Variants in ASIC2 observed in about 807,000 individuals in gnomAD.
ASIC2 encodes acid sensing ion channel subunit 2.
A neutral mutation model predicts 57.3 loss-of-function variants in ASIC2; 25 were observed. The observed-to-expected ratio is 0.44, with a 90% CI of 0.32 to 0.61. The LOEUF is 0.61. ASIC2 is among the 20% of genes least tolerant of loss of function. The pLI is 0.06. For synonymous variants in ASIC2, 319 were observed against 307.5 expected, an observed-to-expected ratio of 1.04 and a Z score of -0.39; for missense variants, 641 against 738.1, an observed-to-expected ratio of 0.87 and a Z score of 1.52.
At chr17:33,563,405 T>G (rs1422458280) in intron 1 of ASIC2, among the ~76,000 whole-genome samples, 1 of 152,172 alleles carries the variant, frequency 6.6e-6, no homozygotes, top group Non-Finnish European at 1.5e-5. Flanking sequence ...AATCCACGCT[T>G]CCTCATTCCC....
chr17:34,072,794 C>T (rs1360373238), intron 1 of ASIC2, among the ~76,000 whole-genome samples: 1 of 152,184 alleles, frequency 6.6e-6, no homozygotes, highest in African/African-American at 2.4e-5. Context: ...TGTTACATAG[C>T]AATACATCAT....
chr17:33,179,947 C>T (rs940579265), intron 1 of ASIC2, among the ~76,000 whole-genome samples: 6 of 152,160 alleles, frequency 3.9e-5, no homozygotes, highest in Non-Finnish European at 7.4e-5. Context: ...TTACAGATTC[C>T]GTCAGATACA....
intron 1 of ASIC2, among the ~76,000 whole-genome samples, chr17:33,957,142 T>C (rs952910951): frequency 1.2e-4 from 19 of 152,212 alleles, no homozygotes; most frequent in African/African-American, 4.6e-4. Flanking sequence ...ACTTCTACCA[T>C]GCCCCCACTC....
intron 1 of ASIC2, among the ~76,000 whole-genome samples, chr17:33,949,427 G>C (rs1453864554): frequency 6.6e-6 from 1 of 152,144 alleles, no homozygotes; most frequent in Non-Finnish European, 1.5e-5. Context: ...GGACACAGAA[G>C]ATACTCAATA....
intron 1 of ASIC2, among the ~76,000 whole-genome samples, chr17:33,784,365 C>A (rs1911545173): frequency 6.6e-6 from 1 of 152,116 alleles, no homozygotes; most frequent in Non-Finnish European, 1.5e-5. Flanking sequence ...TAGGAATTTG[C>A]ATTTTGAACA....
At chr17:33,556,117 A>C (rs1915899387) in intron 1 of ASIC2, among the ~76,000 whole-genome samples, 1 of 152,248 alleles carries the variant, frequency 6.6e-6, no homozygotes, top group African/African-American at 2.4e-5. Context: ...CATGAGGTAG[A>C]CAAGTGTAAT....
intron 1 of ASIC2, among the ~76,000 whole-genome samples, chr17:33,571,406 T>C (rs1309260677): frequency 6.6e-6 from 1 of 152,224 alleles, no homozygotes; most frequent in Non-Finnish European, 1.5e-5. Context: ...TTTTGTTCAC[T>C]GATTAATCAC....
At chr17:33,952,934 G>T (rs1346399561) in intron 1 of ASIC2, among the ~76,000 whole-genome samples, 1 of 152,078 alleles carries the variant, frequency 6.6e-6, no homozygotes, top group Non-Finnish European at 1.5e-5. Context: ...AAGGTTGGAA[G>T]AAAATAACCC....
intron 1 of ASIC2, among the ~76,000 whole-genome samples, chr17:33,608,175 A>C (rs143323317): frequency 1.3e-5 from 2 of 152,324 alleles, no homozygotes; most frequent in Non-Finnish European, 2.9e-5. Flanking sequence ...GAATGGCGTT[A>C]CATAGGCTTC....
intron 1 of ASIC2, among the ~76,000 whole-genome samples, chr17:33,863,695 A>G (rs1372989943): frequency 6.6e-6 from 1 of 152,198 alleles, no homozygotes; most frequent in Non-Finnish European, 1.5e-5. Flanking sequence ...GTTCTCTGTC[A>G]GTCCATCTGG....
At chr17:34,094,473 T>A (rs1910447627) in intron 1 of ASIC2, among the ~76,000 whole-genome samples, 1 of 152,172 alleles carries the variant, frequency 6.6e-6, no homozygotes, top group African/African-American at 2.4e-5. Flanking sequence ...TGGATTGTGA[T>A]CCAGTGTGGT....
At chr17:34,086,782 C>A (rs561517099) in intron 1 of ASIC2, among the ~76,000 whole-genome samples, 38 of 152,256 alleles carry the variant, frequency 2.5e-4, no homozygotes, top group South Asian at 1.7e-3. Context: ...TGATCCCTTT[C>A]CCATTATGTA....
intron 1 of ASIC2, among the ~76,000 whole-genome samples, chr17:33,183,392 G>A: frequency 6.6e-6 from 1 of 152,132 alleles, no homozygotes; most frequent in African/African-American, 2.4e-5. Flanking sequence ...TAATAAGCCT[G>A]CAGAATGCAA....
chr17:33,667,740 C>T (rs181831397), intron 1 of ASIC2, among the ~76,000 whole-genome samples: 1 of 152,320 alleles, frequency 6.6e-6, no homozygotes, highest in Admixed American at 6.5e-5. Context: ...TAACCTTCTT[C>T]TTACTCAGCT....
At chr17:33,154,013 C>A (rs969860180) in intron 1 of ASIC2, among the ~76,000 whole-genome samples, 1 of 152,132 alleles carries the variant, frequency 6.6e-6, no homozygotes, top group Non-Finnish European at 1.5e-5. Flanking sequence ...CAAGGGTGCT[C>A]CTTCATGAAC....
intron 1 of ASIC2, among the ~76,000 whole-genome samples, chr17:33,502,117 G>C (rs61420641): frequency 0.1 from 15,315 of 152,114 alleles, 826 homozygotes; most frequent in Middle Eastern, 0.17. Flanking sequence ...GGGGGAAGGG[G>C]TGGGGTTCCA....
chr17:33,099,565 G>GC (rs2092202495), intron 2 of ASIC2, among the ~76,000 whole-genome samples: 1 of 152,210 alleles, frequency 6.6e-6, no homozygotes, highest in Non-Finnish European at 1.5e-5. Context: ...AGCACCGTGT[G>GC]TGGAGTTGGG....
chr17:34,010,457 T>C (rs547824756), intron 1 of ASIC2, among the ~76,000 whole-genome samples: 1 of 152,334 alleles, frequency 6.6e-6, no homozygotes, highest in Admixed American at 6.5e-5. Context: ...CAGCTGATTC[T>C]GTCCTTTGTT....
At chr17:33,310,157 C>A (rs562195241) in intron 1 of ASIC2, among the ~76,000 whole-genome samples, 1 of 151,702 alleles carries the variant, frequency 6.6e-6, no homozygotes, top group South Asian at 2.1e-4. Context: ...ACCTCTTAAT[C>A]CCTTTGATAT....
Sources: gnomAD v4.1 joint callset for allele counts (sites outside exome capture counted in the v4.1 genomes callset) on GRCh38, gnomAD v4.1.1 for gene constraint, MANE v1.5 for transcripts, NCBI Gene and HGNC (gene_info 2026-07-23, HGNC 2026-07-21) for gene names.